Variants in FAM174B observed in about 807,000 individuals in gnomAD.
FAM174B encodes the protein family with sequence similarity 174 member B.
Under a neutral mutation model 10.9 loss-of-function variants are expected in FAM174B, and 12 were observed. The observed-to-expected ratio is 1.10, with a 90% CI of 0.71 to 1.79. The LOEUF (loss-of-function observed/expected upper bound fraction) is 1.79. FAM174B is among the 40% of genes most tolerant of loss of function. The pLI, the probability that FAM174B is intolerant of heterozygous loss-of-function variation, is 0.00. For synonymous variants in FAM174B, 132 were observed against 115.8 expected (o/e 1.14, Z -0.90); for missense variants, 266 against 233.3 (o/e 1.14, Z -0.91).
chr15:92,633,868 C>T (rs187414152), intron 1 of FAM174B, among the ~76,000 whole-genome samples: 52 of 152,282 alleles, frequency 3.4e-4, no homozygotes, highest in African/African-American at 1.2e-3. Context: ...TAACCCCAGA[C>T]CAATTCCATC....
intron 2 of FAM174B, among the ~76,000 whole-genome samples, chr15:92,623,137 C>T (rs1433882180): frequency 6.7e-6 from 1 of 150,168 alleles, no homozygotes; most frequent in Non-Finnish European, 1.5e-5. Flanking sequence ...GCCTGGGCAA[C>T]AAAAGCAAGA....
At chr15:92,655,066 G>A (rs1496712) in intron 1 of FAM174B, 287,667 of 362,128 alleles carry the variant, frequency 0.79, 115,905 homozygotes, top group East Asian at 0.97. Flanking sequence ...GCCAACAAAT[G>A]GGAACCACAT....
At chr15:92,620,194 T>C (rs1338905684) in intron 2 of FAM174B, among the ~76,000 whole-genome samples, 4 of 152,144 alleles carry the variant, frequency 2.6e-5, no homozygotes, top group Admixed American at 6.5e-5. Flanking sequence ...CACACCACAG[T>C]GTCAGAAAAC....
At chr15:92,630,627 T>C (rs1289449385) in intron 1 of FAM174B, among the ~76,000 whole-genome samples, 1 of 150,876 alleles carries the variant, frequency 6.6e-6, no homozygotes, top group East Asian at 1.9e-4. Flanking sequence ...AAAGCAGAGG[T>C]CCCTGGTCTG....
chr15:92,655,127 G>T, intron 1 of FAM174B, 189 bp downstream of exon 1: 1 of 657,480 alleles, frequency 1.5e-6, no homozygotes, highest in Non-Finnish European at 2.2e-6. Flanking sequence ...CCTAAAACAT[G>T]TACCAGGAAA....
intron 1 of FAM174B, among the ~76,000 whole-genome samples, chr15:92,632,240 T>C (rs1256007963): frequency 6.6e-6 from 1 of 152,204 alleles, no homozygotes; most frequent in Non-Finnish European, 1.5e-5. Context: ...TTGTTTTGTT[T>C]TGTATTTTAA....
At chr15:92,654,523 C>T (rs1170033887) in intron 1 of FAM174B, among the ~76,000 whole-genome samples, 5 of 152,186 alleles carry the variant, frequency 3.3e-5, no homozygotes, top group African/African-American at 1.2e-4. Flanking sequence ...TCCTAATTTA[C>T]CAGACACTTT....
At chr15:92,635,217 C>T (rs1477501102) in intron 1 of FAM174B, among the ~76,000 whole-genome samples, 1 of 151,400 alleles carries the variant, frequency 6.6e-6, no homozygotes, top group African/African-American at 2.4e-5. Flanking sequence ...TTCTGTTTCC[C>T]TGAAGAATCC....
At chr15:92,631,230 A>T (rs867397320) in intron 1 of FAM174B, among the ~76,000 whole-genome samples, 3 of 1,322 alleles carry the variant, frequency 2.3e-3, no homozygotes, top group Non-Finnish European at 3.4e-3. Flanking sequence ...ATTATATATA[A>T]TATATTATAT....
At chr15:92,625,125 T>TA (rs2141949489) in intron 2 of FAM174B, among the ~76,000 whole-genome samples, 1 of 152,300 alleles carries the variant, frequency 6.6e-6, no homozygotes, top group East Asian at 1.9e-4. Context: ...AGTACAGAGT[T>TA]AGAGATTCAT....
chr15:92,648,979 C>T (rs1359231456), intron 1 of FAM174B, among the ~76,000 whole-genome samples: 1 of 152,180 alleles, frequency 6.6e-6, no homozygotes, highest in African/African-American at 2.4e-5. Flanking sequence ...AACTAAAGTA[C>T]TAACACAATC....
intron 1 of FAM174B, among the ~76,000 whole-genome samples, chr15:92,653,861 C>G (rs147779724): frequency 2.0e-5 from 3 of 152,222 alleles, no homozygotes; most frequent in African/African-American, 7.2e-5. Flanking sequence ...GCGTTGCAGA[C>G]GGGGGCCAGC....
At chr15:92,643,843 T>A (rs1418690852) in intron 1 of FAM174B, among the ~76,000 whole-genome samples, 1 of 152,166 alleles carries the variant, frequency 6.6e-6, no homozygotes, top group Non-Finnish European at 1.5e-5. Flanking sequence ...CAAAACCATA[T>A]TACTTGTCAA....
rs1002441549 is a variant in FAM174B at position 92,626,147 on chromosome 15, G to A, written c.476+4067C>T. On this transcript the variant is annotated intron_variant, in intron 2 of 2. Transcript: ENST00000327355. Reference sequence around the variant, plus strand: ...TTTTTTTTTTTTTTGAGACCAGGCCGGAGTGCACTGGCGCGATCTTGGCTC... The same window carrying A: ...TTTTTTTTTTTTTTGAGACCAGGCCAGAGTGCACTGGCGCGATCTTGGCTC... 1.1e-3 allele frequency among the ~76,000 whole-genome samples: 35 copies of A among 31,380 alleles called. 1 individual carries two copies. The highest frequency in any genetic ancestry group is 5.8e-3 in the East Asian group (2 of 346). The allele number at this position is 31,380 out of a possible 152,430, so 20.6% of individuals were successfully genotyped here.
At chr15:92,650,250 A>G (rs1284355096) in intron 1 of FAM174B, among the ~76,000 whole-genome samples, 3 of 152,226 alleles carry the variant, frequency 2.0e-5, no homozygotes, top group Non-Finnish European at 4.4e-5. Flanking sequence ...TTCCTTTTCA[A>G]AGACCTGGCT....
chr15:92,622,187 A>G (rs906834627), intron 2 of FAM174B, among the ~76,000 whole-genome samples: 4 of 152,278 alleles, frequency 2.6e-5, no homozygotes, highest in African/African-American at 9.6e-5. Flanking sequence ...GGGATCCCCT[A>G]CCAGGCTCTC....
At chr15:92,647,299 C>T (rs11630591) in intron 1 of FAM174B, among the ~76,000 whole-genome samples, 14,635 of 152,272 alleles carry the variant, frequency 0.096, 980 homozygotes, top group East Asian at 0.24. Context: ...TCCTCCTCCA[C>T]CATGCCTTCC....
chr15:92,638,670 T>G (rs745428990), intron 1 of FAM174B, among the ~76,000 whole-genome samples: 5 of 152,286 alleles, frequency 3.3e-5, no homozygotes, highest in Non-Finnish European at 7.4e-5. Context: ...TCTTCATCCA[T>G]TTCTACTTCC....
chr15:92,636,008 T>C (rs1405207715), intron 1 of FAM174B, among the ~76,000 whole-genome samples: 1 of 152,144 alleles, frequency 6.6e-6, no homozygotes, highest in Non-Finnish European at 1.5e-5. Flanking sequence ...GTCTGAACAG[T>C]GGGCTCAGAG....
Sources: allele counts gnomAD v4.1 joint callset (sites outside exome capture counted in the v4.1 genomes callset), GRCh38; gene constraint gnomAD v4.1.1; transcripts MANE v1.5; gene names NCBI Gene and HGNC (gene_info 2026-07-23, HGNC 2026-07-21).